Variants in TBC1D2B observed in about 807,000 individuals in gnomAD.
The protein encoded by TBC1D2B is TBC1 domain family, member 2B.
TBC1D2B carries 64 observed loss-of-function variants against 100.8 expected under a neutral mutation model. The observed-to-expected ratio is 0.64, with a 90% CI of 0.52 to 0.78. The LOEUF (loss-of-function observed/expected upper bound fraction) is 0.78. TBC1D2B is among the 30% of genes least tolerant of loss of function. The probability of loss-of-function intolerance (pLI) is 0.00; values close to 1 mark genes in which losing one functional copy is unlikely to be tolerated. For synonymous variants in TBC1D2B, 480 were observed against 479.7 expected (o/e 1.00, Z -0.01); for missense variants, 1,052 against 1,218.4 (o/e 0.86, Z 2.03).
intron 9 of TBC1D2B, 62 bp from the exon 10 acceptor site, chr15:78,009,176 A>G: frequency 1.6e-6 from 2 of 1,213,108 alleles, no homozygotes; most frequent in East Asian, 5.0e-5. Flanking sequence ...TACAGTCTCC[A>G]CAGAGACCAT....
chr15:78,060,871 C>T (rs1271082443), intron 1 of TBC1D2B, among the ~76,000 whole-genome samples: 1 of 149,722 alleles, frequency 6.7e-6, no homozygotes, highest in Non-Finnish European at 1.5e-5. Flanking sequence ...GAGCCGAGAT[C>T]GCGCCACTGC....
chr15:78,070,743 C>T (rs1015440809), intron 1 of TBC1D2B, among the ~76,000 whole-genome samples: 1 of 152,146 alleles, frequency 6.6e-6, no homozygotes, highest in African/African-American at 2.4e-5. Context: ...CTGCAATGTC[C>T]ACCTCCTGGG....
intron 5 of TBC1D2B, 149 bp downstream of exon 5, chr15:78,025,110 C>A: frequency 1.5e-6 from 1 of 655,350 alleles, no homozygotes; most frequent in East Asian, 2.7e-5. Context: ...AGATGACCGC[C>A]ATGGCAATAT....
rs145866106 is a variant in TBC1D2B at position 78,064,851 on chromosome 15, C to G, written c.361-10664G>C. Among the ~76,000 whole-genome samples the G allele has an allele frequency of 9.8e-3, 1,486 of 152,302 alleles. 11 individuals carry two copies. Among genetic ancestry groups the G allele is most frequent in the Middle Eastern group, 0.061 (18 of 294 alleles). ...AGAAGGCAAATACTGGATCTCCTGG[C>G]TCCTTGGAAAATGGAATACAAGGTC... On this transcript the variant is annotated intron_variant, in intron 1 of 12. Transcript: ENST00000300584.
chr15:78,024,526 A>C lies in TBC1D2B; in HGVS notation c.1100T>G (p.Leu367Arg). 6.2e-7 allele frequency: 1 copy of C among 1,609,782 alleles called. No individual in the cohort carries two copies. Among genetic ancestry groups the C allele is most frequent in the Non-Finnish European group, 8.5e-7 (1 of 1,176,902 alleles). The change falls in exon 6 of 13, where the codon CTG becomes CGG. Residue 367 changes from leucine (L) to arginine (R), a missense_variant. Physicochemically the swap from Leu to Arg is moderately radical, Grantham distance 102. Around this residue, in one of 4 missense-constraint regions of TBC1D2B, gnomAD observed 627 missense variants for 646.1 expected, o/e 0.97. Coordinates refer to ENST00000300584, the MANE Select transcript of TBC1D2B (RefSeq NM_144572.2). The part of the protein sequence containing the change: ...DLSSQKELVR[L>R]LQQTVRSSQY... ...GGATGACCGGACTGTCTGCTGGAGC[A>C]GTCGAACAAGCTCCTGGGAGCCAAA...
At chr15:78,043,538 G>A (rs1469488103) in intron 3 of TBC1D2B, among the ~76,000 whole-genome samples, 6 of 151,960 alleles carry the variant, frequency 3.9e-5, no homozygotes, top group Admixed American at 1.3e-4. Flanking sequence ...AATTGGGACC[G>A]CAGGCATGCA....
At chr15:78,031,554 CAAAAAAAAAAAA>C (rs1225713046) in intron 3 of TBC1D2B, among the ~76,000 whole-genome samples, 1 of 54,910 alleles carries the variant, frequency 1.8e-5, no homozygotes, top group South Asian at 8.2e-4. Flanking sequence ...ACTCTGTCTC[CAAAAAAAAAAAA>C]AAAAAAAAAG....
At chr15:78,069,097 T>TA (rs148438808) in intron 1 of TBC1D2B, among the ~76,000 whole-genome samples, 3,306 of 152,198 alleles carry the variant, frequency 0.022, 127 homozygotes, top group African/African-American at 0.076. Flanking sequence ...GGCTCAAAGG[T>TA]AAAAGCAACT....
At chr15:78,066,830 C>T (rs1026508288) in intron 1 of TBC1D2B, among the ~76,000 whole-genome samples, 9 of 152,322 alleles carry the variant, frequency 5.9e-5, no homozygotes, top group Admixed American at 3.3e-4. Context: ...AAAGCCACCT[C>T]CAAAGAGAAG....
intron 9 of TBC1D2B, among the ~76,000 whole-genome samples, chr15:78,012,481 C>T (rs1169654651): frequency 2.6e-5 from 4 of 152,188 alleles, no homozygotes; most frequent in East Asian, 1.9e-4. Flanking sequence ...GCATAAACAA[C>T]GGGTGACCAC....
At chr15:78,021,201 C>A (rs1219623191) in intron 6 of TBC1D2B, among the ~76,000 whole-genome samples, 1 of 152,078 alleles carries the variant, frequency 6.6e-6, no homozygotes, top group Non-Finnish European at 1.5e-5. Context: ...TGGCAGAAAT[C>A]TTTACAGGCA....
intron 4 of TBC1D2B, among the ~76,000 whole-genome samples, chr15:78,029,728 A>C (rs1174171116): frequency 6.6e-6 from 1 of 152,186 alleles, no homozygotes; most frequent in Non-Finnish European, 1.5e-5. Flanking sequence ...AATTTCTATA[A>C]AGTTTTTTAA....
chr15:78,059,147 C>A (rs375970342), intron 1 of TBC1D2B, among the ~76,000 whole-genome samples: 3 of 152,232 alleles, frequency 2.0e-5, no homozygotes, highest in African/African-American at 7.2e-5. Context: ...TCTCCATTCT[C>A]TGAATAGGGA....
chr15:78,016,144 T>C (rs974638015), intron 8 of TBC1D2B, among the ~76,000 whole-genome samples: 9 of 152,220 alleles, frequency 5.9e-5, no homozygotes, highest in Middle Eastern at 3.4e-3. Context: ...TTTAGTGCTT[T>C]CCCCAAAAAT....
intron 9 of TBC1D2B, among the ~76,000 whole-genome samples, chr15:78,011,162 T>C (rs1313668340): frequency 6.6e-6 from 1 of 152,190 alleles, no homozygotes; most frequent in African/African-American, 2.4e-5. Context: ...CCTTTCACCT[T>C]CTGAGGGCAC....
rs1009897470 is a variant in TBC1D2B, at chr15:78,025,795, G to A, written c.848-298C>T. On this transcript the variant is annotated intron_variant, in intron 4 of 12. Coordinates refer to ENST00000300584, the MANE Select transcript of TBC1D2B (RefSeq NM_144572.2). ...TCCTCCTCGGCCTCCCGAAGTGTTG[G>A]GATTACAGGCGTGAGCCACCGTGCC... Among the ~76,000 whole-genome samples, 25 of 152,140 alleles carry A rather than the reference G, an allele frequency of 1.6e-4. 1 individual carries two copies. The highest frequency in any genetic ancestry group is 1.3e-3 in the Admixed American group (20 of 15,280).
At chr15:77,998,496 G>A (rs2071824693) in intron 12 of TBC1D2B, 141 bp from the exon 13 acceptor site, 3 of 700,924 alleles carry the variant, frequency 4.3e-6, no homozygotes, top group Admixed American at 3.3e-5. Context: ...TAGGGGATGA[G>A]GCCCACCTTC....
chr15:78,003,192 G>T, intron 11 of TBC1D2B, 113 bp downstream of exon 11: 1 of 885,034 alleles, frequency 1.1e-6, no homozygotes, highest in Non-Finnish European at 1.8e-6. Flanking sequence ...GATCCCTTGG[G>T]CACCATGGTA....
In TBC1D2B at chr15:78,003,560, C is replaced by T. The variant is rs562695649; in HGVS notation, c.2389-70G>A. ...CACCGGGTAAGCAGACGAGCAGACG[C>T]GCAACCTGAGAGCCTGGGGGTGGAG... On this transcript the variant is annotated intron_variant, in intron 10 of 12. Coordinates refer to ENST00000300584, the MANE Select transcript of TBC1D2B (RefSeq NM_144572.2). The T allele has an allele frequency of 4.6e-5, 58 of 1,255,370 alleles. No homozygotes were observed. The African/African-American group carries it at 5.2e-4, about 11-fold the overall frequency. 77.8% of individuals were successfully genotyped at this position (1,255,370 alleles called of 1,614,324 possible). A position where few individuals can be genotyped will look rare whatever the true frequency, so the allele number is the denominator to read the frequency against.
Sources: gnomAD v4.1 joint callset for allele counts (sites outside exome capture counted in the v4.1 genomes callset) on GRCh38, gnomAD v4.1.1 for gene constraint, gnomAD v4.1.1 regional missense constraint, MANE v1.5 for transcripts, NCBI Gene and HGNC (gene_info 2026-07-23, HGNC 2026-07-21) for gene names.